Variants in LRPPRC observed in about 807,000 individuals in gnomAD.
The protein encoded by LRPPRC is leucine-rich PPR motif-containing protein, mitochondrial.
LRPPRC carries 120 observed loss-of-function variants against 180.3 expected under a neutral mutation model. That is an observed-to-expected ratio of 0.67 (90% CI 0.57 to 0.77). The LOEUF is 0.77. Ranked by LOEUF, LRPPRC falls within the 30% of genes least tolerant of loss-of-function variation. LRPPRC has a pLI of 0.00. For missense variants in LRPPRC, 2,012 were observed against 1,657.2 expected (o/e 1.21, Z -3.72); for synonymous variants, 723 against 600.0 (o/e 1.21, Z -3.00).
chr2:43,922,978 C>G (rs1228090084), intron 27 of LRPPRC, among the ~76,000 whole-genome samples: 1 of 152,030 alleles, frequency 6.6e-6, no homozygotes, highest in Non-Finnish European at 1.5e-5. Flanking sequence ...GGCTTCCAGC[C>G]TCCTAAGAAG....
chr2:43,960,735 T>C, intron 12 of LRPPRC, 101 bp from the exon 13 acceptor site: 2 of 752,784 alleles, frequency 2.7e-6, no homozygotes, highest in South Asian at 2.8e-5. Context: ...CCATATTCTC[T>C]GATTTTCTAG....
At chr2:43,980,588 G>A (rs59322824) in intron 2 of LRPPRC, among the ~76,000 whole-genome samples, 20,751 of 69,154 alleles carry the variant, frequency 0.3, 2,352 homozygotes, top group African/African-American at 0.42. Flanking sequence ...GAAAGAAAGA[G>A]AGAGAGAGAG....
At chr2:43,937,266 A>C (rs1476773499) in intron 23 of LRPPRC, among the ~76,000 whole-genome samples, 2 of 152,222 alleles carry the variant, frequency 1.3e-5, no homozygotes, top group South Asian at 4.1e-4. Context: ...TAATTTTAAG[A>C]ACCAATGTTA....
intron 13 of LRPPRC, chr2:43,959,094 A>T: frequency 1.6e-6 from 1 of 640,508 alleles, no homozygotes. Flanking sequence ...CTGAAAAATC[A>T]AGAGGTTGAC....
At chr2:43,973,516 A>G in intron 11 of LRPPRC, 91 bp downstream of exon 11, 2 of 823,132 alleles carry the variant, frequency 2.4e-6, no homozygotes, top group Admixed American at 1.8e-5. Context: ...AGGAATAAGT[A>G]TGCTTTTCCA....
chr2:43,918,534 G>C, intron 27 of LRPPRC, 136 bp from the exon 28 acceptor site: 1 of 713,342 alleles, frequency 1.4e-6, no homozygotes, highest in Non-Finnish European at 2.4e-6. Context: ...GGAACCAAAA[G>C]TGACCGTGAC....
At chr2:43,925,329 A>T (rs1478139207) in intron 26 of LRPPRC, among the ~76,000 whole-genome samples, 172 bp from the exon 27 acceptor site, 1 of 152,244 alleles carries the variant, frequency 6.6e-6, no homozygotes, top group East Asian at 1.9e-4. Context: ...ATGCCACTGA[A>T]CTGTATACTT....
chr2:43,989,308 T>C (rs1305802802), intron 1 of LRPPRC, among the ~76,000 whole-genome samples: 1 of 152,198 alleles, frequency 6.6e-6, no homozygotes. Flanking sequence ...CTAGCCACCC[T>C]TCTACACTTT....
At chr2:43,901,665 T>C (rs534172103) in intron 31 of LRPPRC, 141 bp from the exon 32 acceptor site, 1 of 662,894 alleles carries the variant, frequency 1.5e-6, no homozygotes, top group South Asian at 1.7e-5. Flanking sequence ...TTACAGAAAA[T>C]TATTAATACT....
chr2:43,912,252 GT>G (rs960559651), intron 30 of LRPPRC, among the ~76,000 whole-genome samples, 179 bp downstream of exon 30: 1 of 150,946 alleles, frequency 6.6e-6, no homozygotes, highest in Admixed American at 6.6e-5. Context: ...CAGTAAAGGT[GT>G]TTTTTTTTGA....
chr2:43,946,724 T>C (rs1286828131), intron 20 of LRPPRC, among the ~76,000 whole-genome samples: 1 of 152,086 alleles, frequency 6.6e-6, no homozygotes, highest in Non-Finnish European at 1.5e-5. Context: ...ACTACAAGTT[T>C]ATGGCTCAAT....
chr2:43,960,053 A>G (rs760877986), intron 13 of LRPPRC, among the ~76,000 whole-genome samples: 9 of 152,246 alleles, frequency 5.9e-5, no homozygotes, highest in Non-Finnish European at 1.3e-4. Context: ...TGTGATGAGC[A>G]TTATAAAGCA....
intron 14 of LRPPRC, among the ~76,000 whole-genome samples, chr2:43,955,107 A>ATGCATCTTT (rs1199051149): frequency 9.9e-5 from 15 of 152,114 alleles, no homozygotes; most frequent in African/African-American, 3.6e-4. Context: ...ATTTTATAAT[A>ATGCATCTTT]TGCATCTTTT....
intron 3 of LRPPRC, among the ~76,000 whole-genome samples, chr2:43,977,504 G>A (rs1234012943): frequency 6.6e-6 from 1 of 151,990 alleles, no homozygotes; most frequent in Non-Finnish European, 1.5e-5. Context: ...CTGCCTATTC[G>A]GATATTAAAA....
intron 23 of LRPPRC, among the ~76,000 whole-genome samples, chr2:43,943,423 T>G (rs1283839232): frequency 6.6e-6 from 1 of 151,882 alleles, no homozygotes; most frequent in African/African-American, 2.4e-5. Flanking sequence ...GGCTCAAAAC[T>G]AGGAAAAACT....
chr2:43,965,224 A>T (rs1330490072), intron 11 of LRPPRC, among the ~76,000 whole-genome samples: 1 of 151,538 alleles, frequency 6.6e-6, no homozygotes, highest in Non-Finnish European at 1.5e-5. Context: ...CTGGTCTTGG[A>T]CTCCTGACCT....
intron 35 of LRPPRC, chr2:43,896,346 C>T (rs1670686699): frequency 4.1e-5 from 12 of 289,672 alleles, no homozygotes; most frequent in South Asian, 3.9e-4. Context: ...GCTGGGATTA[C>T]AGGTGTGAGC....
intron 13 of LRPPRC, chr2:43,959,357 A>G: frequency 1.7e-6 from 1 of 598,650 alleles, no homozygotes. Flanking sequence ...TTACAATATT[A>G]CAACAAATAT....
Position 43,948,136 on chromosome 2 carries a change from G to C in LRPPRC, c.1906C>G (p.Pro636Ala), listed in dbSNP as rs1296912885. 9 of 1,597,724 alleles carry C rather than the reference G, an allele frequency of 5.6e-6. No homozygotes were observed. The highest frequency in any genetic ancestry group is 7.7e-6 in the Non-Finnish European group (9 of 1,165,636). The change falls in exon 18 of 38, where the codon CCT becomes GCT. Residue 636 changes from proline to alanine, a missense_variant. By Grantham distance (27) the Pro-to-Ala change is conservative (BLOSUM62 -1). Transcript: ENST00000260665. ...IRNLLESYHV[P>A]ELIKDAHLLV... ...TTCACACACACCTTAATCAATTCAGGAACATGGTAGCTTTCCAGGAGATTA... is the reference window on the plus strand; with the variant it reads ...TTCACACACACCTTAATCAATTCAGCAACATGGTAGCTTTCCAGGAGATTA...
Sources: allele counts gnomAD v4.1 joint callset (sites outside exome capture counted in the v4.1 genomes callset), GRCh38; gene constraint gnomAD v4.1.1; transcripts MANE v1.5; gene names NCBI Gene and HGNC (gene_info 2026-07-23, HGNC 2026-07-21).